AP3S1: variants seen among roughly 807,000 people sequenced by gnomAD.
AP3S1 encodes the protein adaptor related protein complex 3 subunit sigma 1, also known as AP-3 complex subunit sigma-1.
AP3S1 carries 12 observed loss-of-function variants against 21.3 expected under a neutral mutation model. The observed-to-expected ratio is 0.56, with a 90% CI of 0.36 to 0.91. The LOEUF (loss-of-function observed/expected upper bound fraction) is 0.91, where lower values mean the gene tolerates loss of function less well. AP3S1 is among the 40% of genes least tolerant of loss of function. The pLI, the probability that AP3S1 is intolerant of heterozygous loss-of-function variation, is 0.01. For missense variants in AP3S1, 116 were observed against 225.0 expected (o/e 0.52, Z 3.10); for synonymous variants, 48 against 78.4 (o/e 0.61, Z 2.05).
chr5:115,897,222 A>C (rs1311887697), intron 4 of AP3S1, among the ~76,000 whole-genome samples: 4 of 152,314 alleles, frequency 2.6e-5, no homozygotes, highest in Middle Eastern at 3.4e-3. Flanking sequence ...TAAAACAATA[A>C]AGATGGGATC....
Position 115,907,951 on chromosome 5 carries a change from A to G in AP3S1, c.453+4959A>G, listed in dbSNP as rs144152861. Among the ~76,000 whole-genome samples, 1,307 of 152,290 alleles carry G rather than the reference A, an allele frequency of 8.6e-3. 14 individuals are homozygous for G. The highest frequency in any genetic ancestry group is 0.01 in the Non-Finnish European group (711 of 68,006). On this transcript the variant is annotated intron_variant, in intron 5 of 5. Transcript: ENST00000316788. ...TTTATTGAGTCCTATGGAGGAAAAAATGTATAAACTTACGAAGTTAGATTA... is the reference window on the plus strand; with the variant it reads ...TTTATTGAGTCCTATGGAGGAAAAAGTGTATAAACTTACGAAGTTAGATTA...
At chr5:115,913,173 A>G (rs1752235605) in intron 5 of AP3S1, among the ~76,000 whole-genome samples, 189 bp from the exon 6 acceptor site, 1 of 152,106 alleles carries the variant, frequency 6.6e-6, no homozygotes, top group Non-Finnish European at 1.5e-5. Flanking sequence ...GTATTTTTTA[A>G]TGTGTCACTG....
intron 1 of AP3S1, 83 bp from the exon 2 acceptor site, chr5:115,866,587 T>G: frequency 1.1e-6 from 1 of 914,304 alleles, no homozygotes; most frequent in Non-Finnish European, 1.6e-6. Flanking sequence ...AGACAGATAT[T>G]GCTACCTTTG....
chr5:115,847,626 T>TA (rs1438991757), intron 1 of AP3S1, among the ~76,000 whole-genome samples: 2 of 152,010 alleles, frequency 1.3e-5, no homozygotes, highest in African/African-American at 4.8e-5. Flanking sequence ...TCAACAAATT[T>TA]AAAAAAATAT....
intron 1 of AP3S1, among the ~76,000 whole-genome samples, chr5:115,854,402 AT>A (rs2112790693): frequency 6.6e-6 from 1 of 152,312 alleles, no homozygotes; most frequent in African/African-American, 2.4e-5. Context: ...CTCTAAAGAA[AT>A]TTAATGAGAT....
At chr5:115,904,420 C>T (rs1751473329) in intron 5 of AP3S1, among the ~76,000 whole-genome samples, 2 of 152,142 alleles carry the variant, frequency 1.3e-5, no homozygotes, top group Non-Finnish European at 2.9e-5. Flanking sequence ...AATCTAGAAA[C>T]AGTTGAAGCT....
intron 5 of AP3S1, among the ~76,000 whole-genome samples, chr5:115,907,666 A>C (rs887028340): frequency 1.3e-5 from 2 of 152,294 alleles, no homozygotes; most frequent in Non-Finnish European, 1.5e-5. Context: ...TTAATGTTTT[A>C]GTATTGAATT....
At chr5:115,877,294 G>A (rs761969750) in intron 3 of AP3S1, among the ~76,000 whole-genome samples, 3 of 151,906 alleles carry the variant, frequency 2.0e-5, no homozygotes, top group Non-Finnish European at 2.9e-5. Flanking sequence ...CCATCAACCC[G>A]TCATCTACAT....
chr5:115,881,130 GA>G (rs1453857433), intron 3 of AP3S1, among the ~76,000 whole-genome samples: 4 of 152,014 alleles, frequency 2.6e-5, no homozygotes, highest in Admixed American at 2.6e-4. Flanking sequence ...ACAGCACACT[GA>G]TGGGTCTTGA....
intron 1 of AP3S1, among the ~76,000 whole-genome samples, chr5:115,861,982 G>A (rs1473391374): frequency 1.3e-5 from 2 of 148,404 alleles, no homozygotes; most frequent in African/African-American, 5.0e-5. Context: ...TTATAGGTGT[G>A]AGCCACTGTG....
chr5:115,872,507 T>G (rs566226731), intron 3 of AP3S1, among the ~76,000 whole-genome samples: 5 of 152,240 alleles, frequency 3.3e-5, no homozygotes, highest in Non-Finnish European at 7.4e-5. Flanking sequence ...GAAATGAACG[T>G]AAACATGTAT....
rs746612031 is a variant in AP3S1 at position 115,902,901 on chromosome 5, C to G, written c.362C>G (p.Ala121Gly). 1.6e-5 allele frequency: 26 copies of G among 1,612,584 alleles called. No individual in the cohort carries two copies. The highest frequency in any genetic ancestry group is 2.2e-5 in the Non-Finnish European group (26 of 1,179,642). Reference protein sequence around the residue: ...FHVDKVHNILAEMVMGGMVLE... With the variant: ...FHVDKVHNILGEMVMGGMVLE... ...TCCCTTTAGGTTCACAATATTCTTG[C>G]AGAAATGGTGATGGGGGGAATGGTA... Residue 121 changes from alanine to glycine, a missense_variant, in exon 5 of 6, where the codon GCA (alanine) becomes GGA (glycine). By Grantham distance (60) the Ala-to-Gly change is moderately conservative. Around this residue, in one of 3 missense-constraint regions of AP3S1, gnomAD observed 65 missense variants for 148.2 expected, o/e 0.44. Transcript: ENST00000316788.
At chr5:115,874,163 C>G (rs1748508000) in intron 3 of AP3S1, among the ~76,000 whole-genome samples, 3 of 151,862 alleles carry the variant, frequency 2.0e-5, no homozygotes, top group African/African-American at 7.3e-5. Flanking sequence ...TCTTTTGTTT[C>G]TTTTTAAAAA....
At chr5:115,879,277 G>T (rs1331838582) in intron 3 of AP3S1, among the ~76,000 whole-genome samples, 1 of 152,176 alleles carries the variant, frequency 6.6e-6, no homozygotes, top group Non-Finnish European at 1.5e-5. Context: ...TCTTGTGCCA[G>T]TTTTCAAAGG....
chr5:115,843,847 G>C (rs1304851697), intron 1 of AP3S1, among the ~76,000 whole-genome samples: 1 of 152,156 alleles, frequency 6.6e-6, no homozygotes, highest in African/African-American at 2.4e-5. Flanking sequence ...TCCAAAAGTG[G>C]GAACAGAAGT....
intron 1 of AP3S1, chr5:115,852,993 A>T (rs530557428): frequency 1.5e-4 from 69 of 454,292 alleles, no homozygotes; most frequent in Non-Finnish European, 6.2e-5. Flanking sequence ...TATAACTGGG[A>T]GTAAAATTGC....
rs1761568761 is a variant in AP3S1 at position 115,841,949 on chromosome 5, G to A, written c.-89G>A. ...TCGCGTGCGGGAGGGGGCGGGTGGG[G>A]AAGGATCGCAGGCGAGATTACGAGG... On this transcript the variant is annotated 5_prime_UTR_variant, in exon 1 of 6. Transcript: ENST00000316788. 5 of 1,524,482 alleles carry A rather than the reference G, an allele frequency of 3.3e-6. No individual in the cohort carries two copies. The highest frequency in any genetic ancestry group is 1.4e-5 in the African/African-American group (1 of 72,050). The allele number at this position is 1,524,482 out of a possible 1,614,324, so 94.4% of individuals were successfully genotyped here.
Position 115,853,013 on chromosome 5 carries a change from T to C in AP3S1, c.69+10907T>C, listed in dbSNP as rs1273763493. The C allele has an allele frequency of 1.5e-5, 7 of 453,822 alleles. No individual in the cohort carries two copies. In the East Asian group the frequency reaches 2.8e-4, roughly 18 times the overall value. The allele number at this position is 453,822 out of a possible 1,614,324, so 28.1% of individuals were successfully genotyped here. ...CTGGGAGTAAAATTGCCAAATCATA[T>C]GGTAAGAATATGTTTAATTATTTGA... On this transcript the variant is annotated intron_variant, in intron 1 of 5. Transcript: ENST00000316788.
intron 5 of AP3S1, among the ~76,000 whole-genome samples, chr5:115,912,989 C>A (rs1378010174): frequency 6.6e-6 from 1 of 152,118 alleles, no homozygotes; most frequent in Non-Finnish European, 1.5e-5. Flanking sequence ...AAATCTATCA[C>A]AATCGTTGCA....
Sources: allele counts gnomAD v4.1 joint callset (sites outside exome capture counted in the v4.1 genomes callset), GRCh38; gene constraint gnomAD v4.1.1; regional missense constraint gnomAD v4.1.1; transcripts MANE v1.5; gene names NCBI Gene and HGNC (gene_info 2026-07-23, HGNC 2026-07-21).